TAOK2: variants seen among roughly 807,000 people sequenced by gnomAD.
TAOK2 encodes the protein serine/threonine-protein kinase TAO2.
A neutral mutation model predicts 122.5 loss-of-function variants in TAOK2; 42 were observed. That is an observed-to-expected ratio of 0.34 (90% CI 0.27 to 0.44). The LOEUF (loss-of-function observed/expected upper bound fraction) is 0.44, where lower values mean the gene tolerates loss of function less well. TAOK2 is among the 20% of genes least tolerant of loss of function. The pLI, the probability that TAOK2 is intolerant of heterozygous loss-of-function variation, is 1.00. For missense variants in TAOK2, 1,264 were observed against 1,644.9 expected, an observed-to-expected ratio of 0.77 and a Z score of 4.01; for synonymous variants, 704 against 677.6, an observed-to-expected ratio of 1.04 and a Z score of -0.61.
rs1460785183 is a variant in TAOK2, at chr16:29,987,048, A to G, written c.2776A>G (p.Ile926Val). 6.2e-7 allele frequency: 1 copy of G among 1,612,896 alleles called. No homozygotes were observed. The highest frequency in any genetic ancestry group is 1.3e-5 in the African/African-American group (1 of 75,006). ...TGGAGATGGTTGTCCTTCCCCCGAC[A>G]TCCCTCCTGAACCCCCTCCAACACA... is the stretch of plus-strand genomic sequence containing the variant. Reference protein sequence around the residue: ...DPGDGCPSPDIPPEPPPTHLR... With the variant: ...DPGDGCPSPDVPPEPPPTHLR... Residue 926 changes from isoleucine to valine, a missense_variant, in exon 16 of 16, where the codon ATC (isoleucine) becomes GTC (valine). By Grantham distance (29) the Ile-to-Val change is conservative. This residue lies in a region of TAOK2 where 824 missense variants were observed against 908.7 expected (regional missense o/e 0.91). Transcript: ENST00000308893.
In TAOK2 at chr16:29,988,104, CCAGGCCCAG is replaced by C; in HGVS notation, c.*126_*134del. The C allele has an allele frequency of 7.0e-7, 1 of 1,434,988 alleles. No homozygotes were observed. The highest frequency in any genetic ancestry group is 9.1e-7 in the Non-Finnish European group (1 of 1,099,476). 88.9% of individuals were successfully genotyped at this position (1,434,988 alleles called of 1,614,324 possible). ...ACCTTCCTCAGTTTGCTCACTTACC[CCAGGCCCAG>C]CCCTTCGGACCTCTAGACAGGCAGC... is the stretch of plus-strand genomic sequence containing the variant. On this transcript the variant is annotated 3_prime_UTR_variant, in exon 16 of 16. Coordinates refer to ENST00000308893, the MANE Select transcript of TAOK2 (RefSeq NM_016151.4).
At chr16:29,974,986 C>G (rs577526724) in intron 1 of TAOK2, among the ~76,000 whole-genome samples, 2 of 152,210 alleles carry the variant, frequency 1.3e-5, no homozygotes, top group African/African-American at 4.8e-5. Context: ...TGATATGTCC[C>G]GTTCTCCTGG....
At chr16:29,990,762 A>T (rs767618044), downstream of TAOK2, 1 of 1,592,396 alleles carries the variant, frequency 6.3e-7, no homozygotes, top group Non-Finnish European at 8.6e-7. Flanking sequence ...GATCCCTACA[A>T]CTGGTTGTTC....
intron 10 of TAOK2, among the ~76,000 whole-genome samples, chr16:29,982,379 C>T (rs2069644816): frequency 6.6e-6 from 1 of 152,202 alleles, no homozygotes; most frequent in Non-Finnish European, 1.5e-5. Flanking sequence ...TTGGAAACTT[C>T]AGATTATGTA....
chr16:29,987,703 T>C lies in TAOK2; in HGVS notation c.3431T>C (p.Leu1144Ser), dbSNP rs1248650704. Residue 1144 changes from leucine to serine, a missense_variant, in exon 16 of 16, where the codon TTA becomes TCA. Leu to Ser is a moderately radical substitution (Grantham distance 145, BLOSUM62 -2). Coordinates refer to ENST00000308893, the MANE Select transcript of TAOK2 (RefSeq NM_016151.4). ...RRNPRTTQHP[L>S]ALLARVWVLC... is the part of the protein sequence containing the mutation. ...AATCCCCGCACCACCCAACACCCAT[T>C]AGCTCTGTTGGCAAGGGTCTGGGTC... 2 of 1,614,046 alleles carry C rather than the reference T, an allele frequency of 1.2e-6. No homozygotes were observed. Among genetic ancestry groups the C allele is most frequent in the Non-Finnish European group, 1.7e-6 (2 of 1,179,940 alleles).
intron 8 of TAOK2, 76 bp from the exon 9 acceptor site, chr16:29,981,585 A>G (rs935002148): frequency 7.2e-7 from 1 of 1,390,796 alleles, no homozygotes; most frequent in Non-Finnish European, 1.0e-6. Context: ...TTTGAACCCA[A>G]GTCGTCTCAG....
downstream of TAOK2, chr16:29,991,150 T>C: frequency 6.2e-7 from 1 of 1,610,888 alleles, no homozygotes; most frequent in Non-Finnish European, 8.5e-7. This position sits in a 1 kb window ranked among gnomAD's most constrained non-coding sequence, Gnocchi z 5.6. Flanking sequence ...GCGGAAAGCA[T>C]GAGGCTGGGC....
downstream of TAOK2, chr16:29,991,918 C>T (rs2069979220): frequency 5.3e-6 from 1 of 187,716 alleles, no homozygotes; most frequent in Non-Finnish European, 1.1e-5. This position sits in a 1 kb window ranked among gnomAD's most constrained non-coding sequence, Gnocchi z 5.6. Flanking sequence ...ACTATACTAC[C>T]CTCACAGTGA....
Position 29,978,288 on chromosome 16 carries a change from C to G in TAOK2, c.241C>G (p.Gln81Glu), listed in dbSNP as rs2069516491. 1 of 1,614,014 alleles carries G rather than the reference C, an allele frequency of 6.2e-7. No individual in the cohort carries two copies. Among genetic ancestry groups the G allele is most frequent in the Admixed American group, 1.7e-5 (1 of 60,004 alleles). The stretch of plus-strand genomic sequence containing the variant: ...CATCATCAAGGAGGTGCGGTTCTTA[C>G]AGAAGCTCCGGCATCCCAACACCAT... ...QDIIKEVRFLQKLRHPNTIQY... is the reference protein window; with the variant it reads ...QDIIKEVRFLEKLRHPNTIQY... The change falls in exon 4 of 16, where the codon CAG becomes GAG. Residue 81 changes from glutamine (Q) to glutamate (E), a missense_variant. Around this residue, in one of 4 missense-constraint regions of TAOK2, gnomAD observed 254 missense variants for 503.8 expected, o/e 0.50. Coordinates refer to ENST00000308893, the MANE Select transcript of TAOK2 (RefSeq NM_016151.4).
downstream of TAOK2, chr16:29,989,894 A>C: frequency 7.3e-7 from 1 of 1,366,422 alleles, no homozygotes. Flanking sequence ...GCATGCACAG[A>C]GCTGGGGCTT....
At position 29,985,177 on chromosome 16, in the gene TAOK2, G is replaced by T; in HGVS notation, c.1423-36G>T. ...CTTGTGTTAATTAACTAGGGGCCAG[G>T]CTGAGCCCCAGCTCTCACCCTCTCT... On this transcript the variant is annotated intron_variant, in intron 13 of 15. Coordinates refer to ENST00000308893, the MANE Select transcript of TAOK2 (RefSeq NM_016151.4). The surrounding 1 kb of genome is among the most constrained non-coding windows in gnomAD (Gnocchi z 6.9). 6.8e-7 allele frequency: 1 copy of T among 1,480,870 alleles called. No homozygotes were observed. The allele number at this position is 1,480,870 out of a possible 1,614,324, so 91.7% of individuals were successfully genotyped here. A position where few individuals can be genotyped will look rare whatever the true frequency, so the allele number is the denominator to read the frequency against.
Position 29,987,913 on chromosome 16 carries a change from T to C in TAOK2, c.3641T>C (p.Leu1214Pro). ...QLGPPASRQP[L>P]PGTLAGRRSR... is the part of the protein sequence containing the mutation. ...GGGCCCCCTGCCTCCCGCCAGCCAC[T>C]GCCAGGGACTCTAGCCGGGCGGAGG... is the stretch of plus-strand genomic sequence containing the variant. The change falls in exon 16 of 16, where the codon CTG (leucine) becomes CCG (proline). Residue 1214 changes from leucine to proline, a missense_variant. Physicochemically the swap from Leu to Pro is moderately conservative, Grantham distance 98. Around this residue, in one of 4 missense-constraint regions of TAOK2, gnomAD observed 824 missense variants for 908.7 expected, o/e 0.91. Coordinates refer to ENST00000308893, the MANE Select transcript of TAOK2 (RefSeq NM_016151.4). 6.3e-7 allele frequency: 1 copy of C among 1,579,088 alleles called. No individual in the cohort carries two copies. Among genetic ancestry groups the C allele is most frequent in the Non-Finnish European group, 8.6e-7 (1 of 1,167,204 alleles).
chr16:29,982,632 G>T lies in TAOK2; in HGVS notation c.832-102G>T, dbSNP rs550938194. On this transcript the variant is annotated intron_variant, in intron 10 of 15. Coordinates refer to ENST00000308893, the MANE Select transcript of TAOK2 (RefSeq NM_016151.4). ...AGGCCAGCATCAACCCGTGGTGGGC[G>T]TGGGCCCCAGAAGAGTGCCTCAGGC... 12 of 1,471,578 alleles carry T rather than the reference G, an allele frequency of 8.2e-6. No individual in the cohort carries two copies. The South Asian group carries it at 1.5e-4, about 18-fold the overall frequency. The allele number at this position is 1,471,578 out of a possible 1,614,324, so 91.2% of individuals were successfully genotyped here. A position where few individuals can be genotyped will look rare whatever the true frequency, so the allele number is the denominator to read the frequency against.
In TAOK2 at chr16:29,987,519, C is replaced by G; in HGVS notation, c.3247C>G (p.Arg1083Gly). ...QGPRVRRGISRLWLRVLLRLS... is the reference protein window; with the variant it reads ...QGPRVRRGISGLWLRVLLRLS... Reference sequence around the variant, plus strand: ...CCCCCGGGTGCGCCGGGGCATATCTCGACTCTGGTTGCGGGTTCTGCTGCG... The same window carrying G: ...CCCCCGGGTGCGCCGGGGCATATCTGGACTCTGGTTGCGGGTTCTGCTGCG... The change falls in exon 16 of 16, where the codon CGA becomes GGA. Residue 1083 changes from arginine (R) to glycine (G), a missense_variant. Transcript: ENST00000308893. 6.2e-7 allele frequency: 1 copy of G among 1,609,296 alleles called. No homozygotes were observed. Among genetic ancestry groups the G allele is most frequent in the Non-Finnish European group, 8.5e-7 (1 of 1,177,216 alleles).
At chr16:29,989,246 C>T, downstream of TAOK2, 1 of 985,280 alleles carries the variant, frequency 1.0e-6, no homozygotes, top group South Asian at 4.7e-5. Context: ...TCCTCAGTTC[C>T]CTGTCCAGTA....
intron 1 of TAOK2, among the ~76,000 whole-genome samples, chr16:29,975,723 C>T (rs2069434757): frequency 6.6e-6 from 1 of 152,196 alleles, no homozygotes; most frequent in Non-Finnish European, 1.5e-5. Flanking sequence ...TCAAGCCAAG[C>T]TGTTGGGGTA....
chr16:29,982,924 C>T (rs751678138), intron 11 of TAOK2, 23 bp downstream of exon 11: 1 of 1,612,598 alleles, frequency 6.2e-7, no homozygotes, highest in Admixed American at 1.7e-5. Flanking sequence ...GCCCTAACAC[C>T]CCTCTTTATA....
Position 29,986,949 on chromosome 16 carries a change from C to G in TAOK2, c.2677C>G (p.Pro893Ala). ...EEFELGWVQGPALTPVPEEEE... is the reference protein window; with the variant it reads ...EEFELGWVQGAALTPVPEEEE... ...GTTTGAGCTTGGCTGGGTCCAGGGC[C>G]CAGCACTGACTCCCGTCCCTGAGGA... Residue 893 changes from proline to alanine, a missense_variant, in exon 16 of 16, where the codon CCA becomes GCA. Physicochemically the swap from Pro to Ala is conservative, Grantham distance 27. This residue lies in a region of TAOK2 where 824 missense variants were observed against 908.7 expected (regional missense o/e 0.91). Transcript: ENST00000308893. This position sits in a 1 kb window ranked among gnomAD's most constrained non-coding sequence, Gnocchi z 4.2. 1 of 1,613,946 alleles carries G rather than the reference C, an allele frequency of 6.2e-7. No individual in the cohort carries two copies. The highest frequency in any genetic ancestry group is 1.1e-5 in the South Asian group (1 of 91,088).
Position 29,988,329 on chromosome 16 carries a change from A to C in TAOK2, c.*349A>C. ...GATTTTGTTTTTCTGTCTCCCTTCCAACCTGTCCCCTTCCCCCCACCAAAA... is the reference window on the plus strand; with the variant it reads ...GATTTTGTTTTTCTGTCTCCCTTCCCACCTGTCCCCTTCCCCCCACCAAAA... On this transcript the variant is annotated 3_prime_UTR_variant, in exon 16 of 16. Coordinates refer to ENST00000308893, the MANE Select transcript of TAOK2 (RefSeq NM_016151.4). 1.4e-6 allele frequency: 2 copies of C among 1,406,124 alleles called. No homozygotes were observed. Among genetic ancestry groups the C allele is most frequent in the East Asian group, 3.4e-5 (1 of 29,658 alleles). 87.1% of individuals were successfully genotyped at this position (1,406,124 alleles called of 1,614,324 possible). A position where few individuals can be genotyped will look rare whatever the true frequency, so the allele number is the denominator to read the frequency against.
Sources: allele counts gnomAD v4.1 joint callset (sites outside exome capture counted in the v4.1 genomes callset), GRCh38; gene constraint gnomAD v4.1.1; regional missense constraint gnomAD v4.1.1; non-coding constraint Gnocchi (gnomAD v3.1); transcripts MANE v1.5; gene names NCBI Gene and HGNC (gene_info 2026-07-23, HGNC 2026-07-21).